Variants in ME1 observed in about 807,000 individuals in gnomAD.
ME1 encodes the protein malic enzyme 1.
In ME1, 74 loss-of-function variants were observed where a neutral mutation model predicts 66.4. The observed-to-expected ratio is 1.11, with a 90% CI of 0.92 to 1.35. ME1 has a LOEUF of 1.35. ME1 is among the 40% of genes most tolerant of loss of function. The probability of loss-of-function intolerance (pLI) is 0.00; values close to 1 mark genes in which losing one functional copy is unlikely to be tolerated. For missense variants in ME1, 750 were observed against 694.1 expected, an observed-to-expected ratio of 1.08 and a Z score of -0.90; for synonymous variants, 251 against 235.6, an observed-to-expected ratio of 1.07 and a Z score of -0.60.
chr6:83,332,443 G>C (rs976815551), intron 5 of ME1, among the ~76,000 whole-genome samples: 2 of 152,194 alleles, frequency 1.3e-5, no homozygotes, highest in Admixed American at 1.3e-4. Context: ...ATATCAAAAA[G>C]ACACCTGCAC....
chr6:83,370,870 T>C (rs1379774473), intron 3 of ME1, among the ~76,000 whole-genome samples: 1 of 152,086 alleles, frequency 6.6e-6, no homozygotes, highest in African/African-American at 2.4e-5. Flanking sequence ...CATTCTATGA[T>C]GGAAGTGCAC....
chr6:83,409,235 G>A lies in ME1; in HGVS notation c.79-1334C>T, dbSNP rs139231175. ...CAGCCAGTACATGGTATTCCGTTAT[G>A]GCAGCCTGAAGGGACTAAGATAGTT... On this transcript the variant is annotated intron_variant, in intron 1 of 13. Coordinates refer to ENST00000369705, the MANE Select transcript of ME1 (RefSeq NM_002395.6). Among the ~76,000 whole-genome samples the A allele has an allele frequency of 7.3e-3, 1,116 of 152,272 alleles. 3 individuals are homozygous for A. The highest frequency in any genetic ancestry group is 0.012 in the Non-Finnish European group (816 of 67,996).
chr6:83,263,902 T>C (rs1053109546), intron 6 of ME1, among the ~76,000 whole-genome samples: 2 of 152,096 alleles, frequency 1.3e-5, no homozygotes, highest in Non-Finnish European at 2.9e-5. Context: ...CCAGAAGATC[T>C]ACCTAAGCTC....
chr6:83,429,178 G>A (rs2127698965), intron 1 of ME1, among the ~76,000 whole-genome samples: 1 of 152,260 alleles, frequency 6.6e-6, no homozygotes, highest in East Asian at 1.9e-4. Flanking sequence ...CAGGAGAATG[G>A]CGTGAACCCA....
At chr6:83,283,736 G>A (rs187601950) in intron 6 of ME1, among the ~76,000 whole-genome samples, 39 of 152,260 alleles carry the variant, frequency 2.6e-4, no homozygotes, top group Non-Finnish European at 3.8e-4. Flanking sequence ...AAATAGATTT[G>A]AGGGAATAAT....
intron 5 of ME1, among the ~76,000 whole-genome samples, chr6:83,345,559 C>T (rs955344438): frequency 6.6e-6 from 1 of 152,072 alleles, no homozygotes; most frequent in African/African-American, 2.4e-5. Flanking sequence ...GGACCTAGGT[C>T]TGAAATTTGT....
chr6:83,282,617 T>C (rs960190839), intron 6 of ME1, among the ~76,000 whole-genome samples: 1 of 152,030 alleles, frequency 6.6e-6, no homozygotes, highest in Non-Finnish European at 1.5e-5. Flanking sequence ...ATAGCAGACG[T>C]TGGAGAGGAT....
chr6:83,331,288 C>T (rs1768403080), intron 5 of ME1, among the ~76,000 whole-genome samples: 1 of 151,994 alleles, frequency 6.6e-6, no homozygotes, highest in Non-Finnish European at 1.5e-5. Context: ...TATGACTGGT[C>T]CTTTTAAGAA....
intron 3 of ME1, among the ~76,000 whole-genome samples, chr6:83,379,710 C>T (rs1769359604): frequency 6.6e-6 from 1 of 151,926 alleles, no homozygotes; most frequent in Admixed American, 6.6e-5. Context: ...TTACTAAATA[C>T]ATGTTATAAC....
At chr6:83,286,633 T>A (rs1767400904) in intron 6 of ME1, among the ~76,000 whole-genome samples, 1 of 152,132 alleles carries the variant, frequency 6.6e-6, no homozygotes, top group African/African-American at 2.4e-5. Flanking sequence ...TATTTATGAG[T>A]GCTCAGCAGT....
chr6:83,406,013 A>G (rs141296351), intron 2 of ME1, among the ~76,000 whole-genome samples: 190 of 152,028 alleles, frequency 1.2e-3, no homozygotes, highest in African/African-American at 4.4e-3. Context: ...GAGCCACCGC[A>G]CCCGGCCAAG....
intron 1 of ME1, among the ~76,000 whole-genome samples, chr6:83,421,381 A>G (rs1350039244): frequency 6.6e-6 from 1 of 152,236 alleles, no homozygotes; most frequent in African/African-American, 2.4e-5. Context: ...TACCTTAAAA[A>G]TAACAACCTG....
intron 7 of ME1, 29 bp downstream of exon 7, chr6:83,253,600 T>C (rs747450798): frequency 9.5e-7 from 1 of 1,049,882 alleles, no homozygotes; most frequent in Non-Finnish European, 1.5e-6. Flanking sequence ...GACATGTTAT[T>C]GATCCATATG....
chr6:83,273,728 A>G (rs1039893585), intron 6 of ME1, among the ~76,000 whole-genome samples: 4 of 152,220 alleles, frequency 2.6e-5, no homozygotes, highest in Admixed American at 1.3e-4. Context: ...ATTTTATGTC[A>G]GCTGACAAGA....
At chr6:83,422,015 C>A (rs772185677) in intron 1 of ME1, among the ~76,000 whole-genome samples, 1 of 152,010 alleles carries the variant, frequency 6.6e-6, no homozygotes, top group African/African-American at 2.4e-5. Context: ...GCCCAGTTTT[C>A]CGGCCATGAG....
chr6:83,347,787 C>T (rs1472636131), intron 4 of ME1, among the ~76,000 whole-genome samples: 1 of 152,052 alleles, frequency 6.6e-6, no homozygotes, highest in Non-Finnish European at 1.5e-5. Context: ...AAAGTTATAG[C>T]ATTTTAGATG....
intron 4 of ME1, among the ~76,000 whole-genome samples, chr6:83,348,157 T>C (rs1768723875): frequency 6.6e-6 from 1 of 152,196 alleles, no homozygotes; most frequent in African/African-American, 2.4e-5. Flanking sequence ...TGGATCAATA[T>C]GTGATGCTCT....
At chr6:83,277,583 T>C (rs1342373465) in intron 6 of ME1, among the ~76,000 whole-genome samples, 1 of 152,126 alleles carries the variant, frequency 6.6e-6, no homozygotes, top group African/African-American at 2.4e-5. Flanking sequence ...ATATCTTAGA[T>C]TATCAAACTA....
At chr6:83,368,452 GT>G (rs1403816157) in intron 3 of ME1, among the ~76,000 whole-genome samples, 4 of 151,870 alleles carry the variant, frequency 2.6e-5, no homozygotes, top group Admixed American at 1.3e-4. Flanking sequence ...AATAAGCTTG[GT>G]TTTAGTTTCC....
Sources: allele counts gnomAD v4.1 joint callset (sites outside exome capture counted in the v4.1 genomes callset), GRCh38; gene constraint gnomAD v4.1.1; transcripts MANE v1.5; gene names NCBI Gene and HGNC (gene_info 2026-07-23, HGNC 2026-07-21).